The following MARK1 variants were observed in gnomAD, a reference collection of about 807,000 sequenced individuals.
MARK1 encodes serine/threonine-protein kinase MARK1.
MARK1 carries 40 observed loss-of-function variants against 96.3 expected under a neutral mutation model. The ratio of observed to expected loss-of-function variants is 0.42; its 90% confidence interval spans 0.32 to 0.54. The LOEUF is 0.54. Among genes scored for constraint, MARK1 ranks in the 20% least tolerant of loss-of-function variants. The pLI is 0.16. For missense variants in MARK1, 719 were observed against 984.6 expected (o/e 0.73, Z 3.61); for synonymous variants, 317 against 341.2 (o/e 0.93, Z 0.78).
chr1:220,611,591 T>C (rs1666447516), intron 6 of MARK1, among the ~76,000 whole-genome samples: 2 of 152,210 alleles, frequency 1.3e-5, no homozygotes, highest in Admixed American at 6.5e-5. Flanking sequence ...CCCAGTGAGA[T>C]GAACCAGGTA....
chr1:220,640,651 A>C (rs983903499), intron 13 of MARK1, among the ~76,000 whole-genome samples: 1 of 152,236 alleles, frequency 6.6e-6, no homozygotes, highest in Non-Finnish European at 1.5e-5. Flanking sequence ...TATTTCTTAC[A>C]ACTCTGGAGG....
rs1572255392 is a variant in MARK1, at chr1:220,662,594, A to G, written c.*428A>G. ...TGCAATTTTGAAAATTGTGTCCAGA[A>G]TTAAAAGTGCATAGAAATAGCCTTT... On this transcript the variant is annotated 3_prime_UTR_variant, in exon 18 of 18. Coordinates refer to ENST00000366917, the MANE Select transcript of MARK1 (RefSeq NM_018650.5). 6.2e-6 allele frequency: 1 copy of G among 161,038 alleles called. No homozygotes were observed. 10.0% of individuals were successfully genotyped at this position (161,038 alleles called of 1,614,324 possible).
chr1:220,562,814 C>T (rs1244967081), intron 1 of MARK1, among the ~76,000 whole-genome samples: 1 of 152,174 alleles, frequency 6.6e-6, no homozygotes, highest in African/African-American at 2.4e-5. Flanking sequence ...ACAGTGCCTT[C>T]ACACCAGTTC....
intron 1 of MARK1, among the ~76,000 whole-genome samples, chr1:220,565,277 T>C (rs753804265): frequency 1.3e-5 from 2 of 152,176 alleles, no homozygotes; most frequent in Non-Finnish European, 2.9e-5. Context: ...GTGACCATCA[T>C]TTAGAGCCTG....
chr1:220,542,283 A>G (rs1303336465), intron 1 of MARK1, among the ~76,000 whole-genome samples: 2 of 152,224 alleles, frequency 1.3e-5, no homozygotes, highest in African/African-American at 4.8e-5. Context: ...AATTTAATAT[A>G]TAGTAATTTG....
At chr1:220,536,698 G>T (rs565419160) in intron 1 of MARK1, among the ~76,000 whole-genome samples, 1 of 152,146 alleles carries the variant, frequency 6.6e-6, no homozygotes, top group South Asian at 2.1e-4. Flanking sequence ...TGAGATTATA[G>T]GCACACGCCA....
At chr1:220,643,388 A>G (rs1273014674) in intron 13 of MARK1, among the ~76,000 whole-genome samples, 2 of 152,146 alleles carry the variant, frequency 1.3e-5, no homozygotes, top group African/African-American at 4.8e-5. Context: ...AAGATTAGAG[A>G]AAAAAGGATG....
intron 3 of MARK1, among the ~76,000 whole-genome samples, chr1:220,592,079 A>G (rs1474003459): frequency 6.6e-6 from 1 of 151,904 alleles, no homozygotes; most frequent in African/African-American, 2.4e-5. Flanking sequence ...ACAGACTTTG[A>G]GGCAACCCCC....
At chr1:220,579,062 G>C (rs1330949049) in intron 1 of MARK1, among the ~76,000 whole-genome samples, 1 of 152,046 alleles carries the variant, frequency 6.6e-6, no homozygotes, top group Non-Finnish European at 1.5e-5. Flanking sequence ...GGCTGGTCAT[G>C]AACTCCTGAC....
chr1:220,640,289 C>T (rs1346552688), intron 13 of MARK1, among the ~76,000 whole-genome samples: 10 of 152,194 alleles, frequency 6.6e-5, no homozygotes, highest in African/African-American at 2.4e-4. Flanking sequence ...GGTGATAGTA[C>T]ATTTAACGTT....
chr1:220,622,315 GC>G (rs764039471), intron 9 of MARK1, among the ~76,000 whole-genome samples: 2 of 152,132 alleles, frequency 1.3e-5, no homozygotes, highest in East Asian at 3.9e-4. Flanking sequence ...CAAAATTTGA[GC>G]CTGAAGCAAA....
At chr1:220,545,068 G>C (rs147204325) in intron 1 of MARK1, among the ~76,000 whole-genome samples, 2 of 152,310 alleles carry the variant, frequency 1.3e-5, no homozygotes, top group African/African-American at 4.8e-5. Flanking sequence ...GGCGGGCCAG[G>C]TGCTCAAGAA....
chr1:220,609,530 A>T (rs1441600375), intron 6 of MARK1, among the ~76,000 whole-genome samples: 1 of 152,184 alleles, frequency 6.6e-6, no homozygotes, highest in Non-Finnish European at 1.5e-5. Context: ...TGTGTCTTTT[A>T]ATTGGGGCAT....
chr1:220,589,959 C>T (rs1341822123), intron 3 of MARK1, among the ~76,000 whole-genome samples: 1 of 152,162 alleles, frequency 6.6e-6, no homozygotes, highest in African/African-American at 2.4e-5. Flanking sequence ...TTTTCATAGT[C>T]TAAATGCCTA....
At chr1:220,601,848 A>C (rs1245073359) in intron 5 of MARK1, among the ~76,000 whole-genome samples, 2 of 152,270 alleles carry the variant, frequency 1.3e-5, no homozygotes, top group East Asian at 3.9e-4. Flanking sequence ...CATATTTGGG[A>C]GGCACAGTGG....
Position 220,545,299 on chromosome 1 carries a change from A to G in MARK1, c.51+16426A>G, listed in dbSNP as rs144588402. Among the ~76,000 whole-genome samples, 328 of 152,298 alleles carry G rather than the reference A, an allele frequency of 2.2e-3. 1 individual carries two copies. The highest frequency in any genetic ancestry group is 7.5e-3 in the African/African-American group (310 of 41,574). On this transcript the variant is annotated intron_variant, in intron 1 of 17. Transcript: ENST00000366917. The stretch of plus-strand genomic sequence containing the variant: ...CAGGGCCTTACATGCCATAGCAAGA[A>G]CCAGTCCTGGAGGCCGCAGAAGCTC...
At chr1:220,573,156 T>G (rs1460877448) in intron 1 of MARK1, among the ~76,000 whole-genome samples, 2 of 152,086 alleles carry the variant, frequency 1.3e-5, no homozygotes, top group East Asian at 3.9e-4. Flanking sequence ...TTGTTTGTTT[T>G]GGTATTTATC....
intron 14 of MARK1, 96 bp from the exon 15 acceptor site, chr1:220,651,890 C>A: frequency 1.1e-6 from 1 of 890,870 alleles, no homozygotes; most frequent in Non-Finnish European, 1.7e-6. Context: ...AGGTGTTAGT[C>A]AGTTTAGATT....
Position 220,528,176 on chromosome 1 carries a change from C to A in MARK1, c.-647C>A, listed in dbSNP as rs1192275293. ...CCAAGTGCCTCTGGGCGCTGCGTGCCGCGCCCGCTGCTCCGCGCGCAGCCG... is the reference window on the plus strand; with the variant it reads ...CCAAGTGCCTCTGGGCGCTGCGTGCAGCGCCCGCTGCTCCGCGCGCAGCCG... On this transcript the variant is annotated 5_prime_UTR_variant, in exon 1 of 18. Transcript: ENST00000366917. 1 of 150,478 alleles carries A rather than the reference C, an allele frequency of 6.6e-6. No individual in the cohort carries two copies. Among genetic ancestry groups the A allele is most frequent in the Non-Finnish European group, 1.5e-5 (1 of 67,454 alleles). The allele number at this position is 150,478 out of a possible 1,614,324, so 9.3% of individuals were successfully genotyped here.
Sources: gnomAD v4.1 joint callset for allele counts (sites outside exome capture counted in the v4.1 genomes callset) on GRCh38, gnomAD v4.1.1 for gene constraint, MANE v1.5 for transcripts, NCBI Gene and HGNC (gene_info 2026-07-23, HGNC 2026-07-21) for gene names.